Variants in NEDD4 observed in about 807,000 individuals in gnomAD.
NEDD4 encodes the protein NEDD4 E3 ubiquitin protein ligase.
A neutral mutation model predicts 144.9 loss-of-function variants in NEDD4; 99 were observed. The ratio of observed to expected loss-of-function variants is 0.68; its 90% confidence interval spans 0.58 to 0.81. The LOEUF is 0.81. NEDD4 is among the 30% of genes least tolerant of loss of function. NEDD4 has a pLI of 0.00. For missense variants in NEDD4, 985 were observed against 1,065.9 expected, an observed-to-expected ratio of 0.92 and a Z score of 1.06; for synonymous variants, 318 against 350.6, an observed-to-expected ratio of 0.91 and a Z score of 1.04.
chr15:55,843,683 C>T (rs530137334), intron 18 of NEDD4, among the ~76,000 whole-genome samples: 4 of 152,062 alleles, frequency 2.6e-5, no homozygotes, highest in African/African-American at 9.6e-5. Flanking sequence ...CCTATAGAAA[C>T]ATAATAATGT....
chr15:55,987,172 T>C (rs1472585868), intron 1 of NEDD4: 2 of 93,826 alleles, frequency 2.1e-5, no homozygotes, highest in African/African-American at 8.7e-5. Flanking sequence ...TTCTAACTGG[T>C]GTGAGATGAT....
intron 1 of NEDD4, among the ~76,000 whole-genome samples, chr15:55,972,782 T>G (rs1383061344): frequency 1.3e-5 from 2 of 151,630 alleles, no homozygotes; most frequent in African/African-American, 4.8e-5. Context: ...AGACTGAAAA[T>G]AAAGGCACAC....
intron 11 of NEDD4, among the ~76,000 whole-genome samples, chr15:55,857,963 T>A (rs1595757469): frequency 6.6e-6 from 1 of 152,188 alleles, no homozygotes; most frequent in East Asian, 1.9e-4. Flanking sequence ...GTACAAACAA[T>A]ATATATCCTG....
At chr15:55,894,221 C>A (rs772700187) in intron 5 of NEDD4, among the ~76,000 whole-genome samples, 1 of 151,318 alleles carries the variant, frequency 6.6e-6, no homozygotes, top group Non-Finnish European at 1.5e-5. Context: ...AATCCGGGAT[C>A]AAAAATATTT....
chr15:55,960,237 G>C (rs2037403577), intron 2 of NEDD4, among the ~76,000 whole-genome samples: 2 of 152,226 alleles, frequency 1.3e-5, no homozygotes, highest in African/African-American at 4.8e-5. Context: ...TCCTAGGTGT[G>C]TCTGTGAGGG....
intron 22 of NEDD4, 49 bp downstream of exon 22, chr15:55,838,460 A>G: frequency 2.3e-6 from 3 of 1,282,952 alleles, no homozygotes; most frequent in Non-Finnish European, 3.4e-6. Context: ...ACATCTAAAC[A>G]TTTGTCTCAC....
At chr15:55,865,956 G>A (rs1213061539) in intron 8 of NEDD4, among the ~76,000 whole-genome samples, 1 of 152,068 alleles carries the variant, frequency 6.6e-6, no homozygotes, top group Non-Finnish European at 1.5e-5. Flanking sequence ...TCTCTCAACA[G>A]GGTCTCATTC....
At chr15:55,939,770 C>T (rs1191186113) in intron 4 of NEDD4, among the ~76,000 whole-genome samples, 4 of 152,076 alleles carry the variant, frequency 2.6e-5, no homozygotes, top group African/African-American at 7.2e-5. Flanking sequence ...CCAGCCTCTA[C>T]AGAAAATAGT....
intron 5 of NEDD4, among the ~76,000 whole-genome samples, chr15:55,889,223 T>C (rs1180981247): frequency 6.6e-6 from 1 of 152,186 alleles, no homozygotes; most frequent in Non-Finnish European, 1.5e-5. Flanking sequence ...ACTAGGTATA[T>C]GCCCAAAAGA....
At chr15:55,896,198 T>C (rs2035733352) in intron 5 of NEDD4, among the ~76,000 whole-genome samples, 1 of 152,170 alleles carries the variant, frequency 6.6e-6, no homozygotes, top group Admixed American at 6.5e-5. Context: ...TTTATTTATT[T>C]TGAGACAGAG....
chr15:55,957,035 A>C (rs762222852), intron 2 of NEDD4, among the ~76,000 whole-genome samples: 7 of 152,184 alleles, frequency 4.6e-5, no homozygotes, highest in African/African-American at 7.2e-5. Context: ...TTATTTCTAA[A>C]TATTTAACTT....
chr15:55,881,235 G>T (rs1276335526), intron 5 of NEDD4, among the ~76,000 whole-genome samples: 1 of 150,312 alleles, frequency 6.7e-6, no homozygotes, highest in Admixed American at 6.7e-5. Flanking sequence ...TCTACCTCCC[G>T]GGTTCCGGCA....
chr15:55,862,663 A>C (rs2034449458), intron 9 of NEDD4, among the ~76,000 whole-genome samples: 1 of 152,180 alleles, frequency 6.6e-6, no homozygotes, highest in African/African-American at 2.4e-5. Context: ...TAAAATTAAA[A>C]ACCTATTAAA....
At chr15:55,992,496 T>C (rs1180944843) in intron 1 of NEDD4, among the ~76,000 whole-genome samples, 1 of 152,208 alleles carries the variant, frequency 6.6e-6, no homozygotes, top group East Asian at 1.9e-4. Context: ...GGTTGATGGA[T>C]TTTCAGTTAA....
At chr15:55,915,451 C>T in intron 5 of NEDD4, 1 of 1,613,786 alleles carries the variant, frequency 6.2e-7, no homozygotes, top group Non-Finnish European at 8.5e-7. Context: ...GGATAAGCTC[C>T]TCCCAATGAA....
intron 21 of NEDD4, among the ~76,000 whole-genome samples, chr15:55,840,029 T>A (rs1159360323): frequency 1.6e-4 from 11 of 67,218 alleles, no homozygotes; most frequent in South Asian, 4.8e-4. Flanking sequence ...TATATATATA[T>A]ATATATATAT....
chr15:55,842,160 C>T lies in NEDD4; in HGVS notation c.1612G>A (p.Asp538Asn). ...TTCATTTCAAATTTGTTTGGAATGTCATTCTGAAAATCCAGAGGAGAGACG... is the reference window on the plus strand; with the variant it reads ...TTCATTTCAAATTTGTTTGGAATGTTATTCTGAAAATCCAGAGGAGAGACG... ...FFRRKLKKQN[D>N]IPNKFEMKLR... The change falls in exon 19 of 29, where the codon GAC (aspartate) becomes AAC (asparagine). Residue 538 changes from aspartate (D) to asparagine (N), a missense_variant. By Grantham distance (23) the Asp-to-Asn change is conservative (BLOSUM62 1). Coordinates refer to ENST00000435532, the MANE Select transcript of NEDD4 (RefSeq NM_006154.4). 6.2e-7 allele frequency: 1 copy of T among 1,613,570 alleles called. No individual in the cohort carries two copies. Among genetic ancestry groups the T allele is most frequent in the Admixed American group, 1.7e-5 (1 of 60,014 alleles).
At chr15:55,957,193 T>C (rs185714084) in intron 2 of NEDD4, among the ~76,000 whole-genome samples, 5 of 152,324 alleles carry the variant, frequency 3.3e-5, no homozygotes, top group East Asian at 1.9e-4. Flanking sequence ...CCAGTAGTTT[T>C]TTCTGTAGAT....
At chr15:55,833,519 G>A (rs1250460631) in intron 26 of NEDD4, among the ~76,000 whole-genome samples, 1 of 152,102 alleles carries the variant, frequency 6.6e-6, no homozygotes, top group East Asian at 1.9e-4. Flanking sequence ...AAAATAACTA[G>A]GCATGGTGGT....
Sources: gnomAD v4.1 joint callset for allele counts (sites outside exome capture counted in the v4.1 genomes callset) on GRCh38, gnomAD v4.1.1 for gene constraint, MANE v1.5 for transcripts, NCBI Gene and HGNC (gene_info 2026-07-23, HGNC 2026-07-21) for gene names.